The following RUNX1 variants were observed in gnomAD, a reference collection of about 807,000 sequenced individuals.
RUNX1 encodes RUNX family transcription factor 1, also known as runt-related transcription factor 1.
A neutral mutation model predicts 42.8 loss-of-function variants in RUNX1; 19 were observed. That is an observed-to-expected ratio of 0.44 (90% CI 0.31 to 0.65). The LOEUF is 0.65. RUNX1 is among the 30% of genes least tolerant of loss of function. The pLI, the probability that RUNX1 is intolerant of heterozygous loss-of-function variation, is 0.07. For synonymous variants in RUNX1, 271 were observed against 289.4 expected, an observed-to-expected ratio of 0.94 and a Z score of 0.64; for missense variants, 528 against 672.0, an observed-to-expected ratio of 0.79 and a Z score of 2.37.
At position 34,798,649 on chromosome 21, in the gene RUNX1, C is replaced by T. The variant is rs370393501; in HGVS notation, c.967+652G>A. Among the ~76,000 whole-genome samples, 41 of 152,204 alleles carry T rather than the reference C, an allele frequency of 2.7e-4. No individual in the cohort carries two copies. The South Asian group carries it at 4.6e-3, about 17-fold the overall frequency. On this transcript the variant is annotated intron_variant, in intron 8 of 8. Coordinates refer to ENST00000675419, the MANE Select transcript of RUNX1 (RefSeq NM_001754.5). ...TGTGTCTGTATTAGACATATACAGA[C>T]TTTTCTTCTTGTCATTCCCTAAACA...
intron 2 of RUNX1, among the ~76,000 whole-genome samples, chr21:34,917,449 T>G (rs566350514): frequency 6.6e-6 from 1 of 152,334 alleles, no homozygotes; most frequent in Admixed American, 6.5e-5. Flanking sequence ...ATTGGAATTC[T>G]GCATTAGCAT....
At chr21:34,821,650 G>T in intron 7 of RUNX1, 1 of 1,567,396 alleles carries the variant, frequency 6.4e-7, no homozygotes, top group African/African-American at 1.4e-5. Context: ...GGGATGGACA[G>T]AAGAACTGAC....
At chr21:34,914,496 G>A (rs897226754) in intron 2 of RUNX1, among the ~76,000 whole-genome samples, 2 of 152,072 alleles carry the variant, frequency 1.3e-5, no homozygotes, top group African/African-American at 4.8e-5. Flanking sequence ...TGAATCTCTT[G>A]ACAGGGTCAT....
intron 2 of RUNX1, among the ~76,000 whole-genome samples, chr21:34,972,068 A>G (rs1379040003): frequency 6.6e-6 from 1 of 152,178 alleles, no homozygotes; most frequent in Non-Finnish European, 1.5e-5. Flanking sequence ...TGGCATTTTT[A>G]TATCCACTAC....
intron 2 of RUNX1, among the ~76,000 whole-genome samples, chr21:35,029,148 G>C (rs1173011417): frequency 1.3e-5 from 2 of 152,104 alleles, no homozygotes; most frequent in African/African-American, 4.8e-5. Flanking sequence ...ACTCTGGCTG[G>C]CTTCCCTTCT....
intron 2 of RUNX1, among the ~76,000 whole-genome samples, chr21:34,975,656 C>A (rs1055872060): frequency 2.6e-5 from 4 of 152,040 alleles, no homozygotes; most frequent in African/African-American, 9.7e-5. Flanking sequence ...TAAAAGTTGT[C>A]CAAATGGTGA....
intron 2 of RUNX1, among the ~76,000 whole-genome samples, chr21:35,009,518 C>T (rs2242882): frequency 0.12 from 17,856 of 152,178 alleles, 1,162 homozygotes; most frequent in African/African-American, 0.16. Flanking sequence ...TTATTATATT[C>T]CTGGGATAAG....
chr21:34,869,206 T>C (rs931378844), intron 5 of RUNX1, among the ~76,000 whole-genome samples: 1 of 152,180 alleles, frequency 6.6e-6, no homozygotes, highest in African/African-American at 2.4e-5. Context: ...GGATTCTCGC[T>C]GTAGAAGGAA....
intron 2 of RUNX1, among the ~76,000 whole-genome samples, chr21:34,957,912 G>C (rs759174971): frequency 1.3e-4 from 20 of 152,180 alleles, no homozygotes; most frequent in Non-Finnish European, 1.5e-4. Context: ...GTCTGTCCCA[G>C]TAGCCAACCC....
intron 2 of RUNX1, among the ~76,000 whole-genome samples, chr21:35,020,510 A>C (rs575193636): frequency 2.0e-4 from 30 of 152,266 alleles, no homozygotes; most frequent in Non-Finnish European, 4.1e-4. Context: ...GGGAGGATAA[A>C]GTAGAAGGCA....
chr21:34,887,531 G>A (rs1269249243), intron 3 of RUNX1: 2 of 1,145,704 alleles, frequency 1.7e-6, no homozygotes, highest in Admixed American at 4.3e-5. Context: ...GGAAGTTCCA[G>A]TAGTTAATGC....
rs73371869 is a variant in RUNX1, at chr21:34,871,641, G to A, written c.508+8916C>T. Among the ~76,000 whole-genome samples the A allele has an allele frequency of 6.0e-3, 907 of 152,252 alleles. 5 individuals carry two copies. Among genetic ancestry groups the A allele is most frequent in the African/African-American group, 0.021 (871 of 41,536 alleles). On this transcript the variant is annotated intron_variant, in intron 5 of 8. Transcript: ENST00000675419. Reference sequence around the variant, plus strand: ...GCAAAACTGACATGCTGGGGCAGGTGGGATAAAGCTCCAGAGGAACCCAGC... The same window carrying A: ...GCAAAACTGACATGCTGGGGCAGGTAGGATAAAGCTCCAGAGGAACCCAGC...
chr21:34,889,085 A>C lies in RUNX1; in HGVS notation c.98-1989T>G, dbSNP rs964269224. 5.9e-5 allele frequency among the ~76,000 whole-genome samples: 9 copies of C among 151,262 alleles called. No homozygotes were observed. In the East Asian group the frequency reaches 1.8e-3, roughly 29 times the overall value. On this transcript the variant is annotated intron_variant, in intron 3 of 8. Transcript: ENST00000675419. ...GAGGAGGACCCGGCCGGCGCGCCGC[A>C]CCCGGAGAGGCCCGGCCCCGCGAGC... is the stretch of plus-strand genomic sequence containing the variant.
chr21:35,014,834 A>G (rs1196407070), intron 2 of RUNX1, among the ~76,000 whole-genome samples: 4 of 152,220 alleles, frequency 2.6e-5, no homozygotes, highest in Non-Finnish European at 4.4e-5. Context: ...CATCCATCAC[A>G]GCACTCACTG....
intron 2 of RUNX1, among the ~76,000 whole-genome samples, chr21:34,996,185 G>A (rs1015590125): frequency 1.3e-5 from 2 of 152,082 alleles, no homozygotes; most frequent in Non-Finnish European, 2.9e-5. Flanking sequence ...AGGAACCACC[G>A]CCCTGACCTA....
intron 2 of RUNX1, among the ~76,000 whole-genome samples, chr21:34,965,820 C>A (rs1425705364): frequency 6.6e-6 from 1 of 152,210 alleles, no homozygotes; most frequent in Non-Finnish European, 1.5e-5. Context: ...TTGTGCCTTG[C>A]CATTCTCTGA....
At chr21:34,900,771 T>C (rs1370623226) in intron 2 of RUNX1, among the ~76,000 whole-genome samples, 1 of 152,236 alleles carries the variant, frequency 6.6e-6, no homozygotes, top group Non-Finnish European at 1.5e-5. Flanking sequence ...CCTGTCCCTT[T>C]CTTTTCCAGC....
chr21:35,033,124 C>T (rs1249288006), intron 2 of RUNX1, among the ~76,000 whole-genome samples: 1 of 152,074 alleles, frequency 6.6e-6, no homozygotes, highest in Non-Finnish European at 1.5e-5. Context: ...TCTGCTGGCT[C>T]ATTCATTCAT....
rs147840529 is a variant in RUNX1, at chr21:34,891,034, C to T, written c.97+1891G>A. Among the ~76,000 whole-genome samples the T allele has an allele frequency of 2.8e-3, 428 of 152,160 alleles. 3 individuals are homozygous for T. Among genetic ancestry groups the T allele is most frequent in the African/African-American group, 9.7e-3 (401 of 41,522 alleles). ...TTGACTCCAGGGGAAATAGCAGACT[C>T]GGGTGATTTGCCCCTCGGAAAGGTC... On this transcript the variant is annotated intron_variant, in intron 3 of 8. Transcript: ENST00000675419.
Sources: gnomAD v4.1 joint callset for allele counts (sites outside exome capture counted in the v4.1 genomes callset) on GRCh38, gnomAD v4.1.1 for gene constraint, MANE v1.5 for transcripts, NCBI Gene and HGNC (gene_info 2026-07-23, HGNC 2026-07-21) for gene names.